Variants in RBFOX3 observed in about 807,000 individuals in gnomAD.
RBFOX3 encodes the protein RNA binding fox-1 homolog 3.
In RBFOX3, 17 loss-of-function variants were observed where a neutral mutation model predicts 48.7. The observed-to-expected ratio is 0.35, with a 90% CI of 0.24 to 0.52. The LOEUF (loss-of-function observed/expected upper bound fraction) is 0.52, where lower values mean the gene tolerates loss of function less well. Among genes scored for constraint, RBFOX3 ranks in the 20% least tolerant of loss-of-function variants. The pLI, the probability that RBFOX3 is intolerant of heterozygous loss-of-function variation, is 0.94. For missense variants in RBFOX3, 382 were observed against 497.5 expected, an observed-to-expected ratio of 0.77 and a Z score of 2.21; for synonymous variants, 212 against 209.5, an observed-to-expected ratio of 1.01 and a Z score of -0.10.
At chr17:79,521,583 A>T (rs1403619241) in intron 1 of RBFOX3, among the ~76,000 whole-genome samples, 2 of 151,128 alleles carry the variant, frequency 1.3e-5, no homozygotes, top group African/African-American at 4.9e-5. Flanking sequence ...CTCCACAGAC[A>T]TACACATTCA....
chr17:79,101,600 C>T lies in RBFOX3; in HGVS notation c.552G>A (p.Gly184=), dbSNP rs375171072. 1.3e-6 allele frequency: 2 copies of T among 1,551,210 alleles called. No individual in the cohort carries two copies. Among genetic ancestry groups the T allele is most frequent in the Non-Finnish European group, 8.7e-7 (1 of 1,146,886 alleles). ...TARVMTNKKT[G]NPYTNGWKLN... ...GCCCCTTACCGTTGGTGTAGGGGTT[C>T]CCCGTCTTCTTGTTGGTCATCACTC... Residue 184 remains glycine, a synonymous_variant, in exon 9 of 15, where the codon GGG becomes GGA. Coordinates refer to ENST00000693108, the MANE Select transcript of RBFOX3 (RefSeq NM_001350451.2).
At chr17:79,381,533 G>A (rs573680533) in intron 2 of RBFOX3, among the ~76,000 whole-genome samples, 1 of 152,328 alleles carries the variant, frequency 6.6e-6, no homozygotes, top group South Asian at 2.1e-4. Context: ...AGACGTGTTA[G>A]GGCCGGTCAG....
chr17:79,339,140 G>A (rs199887085), intron 2 of RBFOX3, among the ~76,000 whole-genome samples: 4 of 151,552 alleles, frequency 2.6e-5, no homozygotes, highest in East Asian at 3.9e-4. Flanking sequence ...CTGCCACCTC[G>A]ATCTTCCAGG....
At chr17:79,637,544 A>C in the RBFOX3 span, among the ~76,000 whole-genome samples, 1 of 151,564 alleles carries the variant, frequency 6.6e-6, no homozygotes, top group Non-Finnish European at 1.5e-5. Context: ...AAATACAAAA[A>C]ATTAGCCTGG....
At chr17:79,466,529 A>T (rs963345812) in intron 2 of RBFOX3, among the ~76,000 whole-genome samples, 131 of 152,246 alleles carry the variant, frequency 8.6e-4, no homozygotes, top group African/African-American at 3.0e-3. Flanking sequence ...TGGGAGGGTC[A>T]CCTGCAGCCC....
chr17:79,596,599 A>T (rs976193982), intron 1 of RBFOX3, among the ~76,000 whole-genome samples: 60 of 152,300 alleles, frequency 3.9e-4, no homozygotes, highest in African/African-American at 1.4e-3. Context: ...TCAGAATTCA[A>T]CAAATGTTGA....
intron 2 of RBFOX3, among the ~76,000 whole-genome samples, chr17:79,478,296 T>C (rs555587304): frequency 6.6e-6 from 1 of 152,300 alleles, no homozygotes; most frequent in East Asian, 1.9e-4. Context: ...CATGGGTGCG[T>C]CCCTGAGGGT....
intron 4 of RBFOX3, among the ~76,000 whole-genome samples, chr17:79,200,668 A>G (rs1245645112): frequency 1.3e-5 from 2 of 152,088 alleles, no homozygotes; most frequent in African/African-American, 4.8e-5. Flanking sequence ...ACGCCAGGAG[A>G]GCTCTGCTGG....
chr17:79,219,393 T>C (rs1005212584), intron 4 of RBFOX3, among the ~76,000 whole-genome samples: 2 of 152,198 alleles, frequency 1.3e-5, no homozygotes, highest in African/African-American at 4.8e-5. Context: ...TGTGTGCATG[T>C]GCGTGCGCGT....
intron 14 of RBFOX3, among the ~76,000 whole-genome samples, chr17:79,091,335 A>G (rs1351687189): frequency 6.6e-6 from 1 of 152,166 alleles, no homozygotes; most frequent in Admixed American, 6.5e-5. Context: ...GCCGTGGCAC[A>G]CTCAGAACCT....
intron 3 of RBFOX3, among the ~76,000 whole-genome samples, chr17:79,302,941 C>T (rs553328314): frequency 3.9e-5 from 6 of 152,326 alleles, no homozygotes; most frequent in South Asian, 4.1e-4. Context: ...TGGAAGCTTA[C>T]GCCTGTGATC....
intron 2 of RBFOX3, among the ~76,000 whole-genome samples, chr17:79,454,499 C>A (rs1274761355): frequency 6.6e-6 from 1 of 152,056 alleles, no homozygotes; most frequent in African/African-American, 2.4e-5. Flanking sequence ...GCCCACCAAG[C>A]CCTCCCAGCA....
the RBFOX3 span, among the ~76,000 whole-genome samples, chr17:79,642,642 T>C: frequency 6.6e-6 from 1 of 152,022 alleles, no homozygotes. Flanking sequence ...AAAGTCTAGA[T>C]AAAGTAAAAA....
At chr17:79,147,912 G>C (rs779124121) in intron 4 of RBFOX3, among the ~76,000 whole-genome samples, 1 of 152,214 alleles carries the variant, frequency 6.6e-6, no homozygotes, top group Non-Finnish European at 1.5e-5. Context: ...CCCTGAAAAG[G>C]AATTGACTGA....
chr17:79,413,040 T>G (rs1261517988), intron 2 of RBFOX3, among the ~76,000 whole-genome samples: 1 of 152,126 alleles, frequency 6.6e-6, no homozygotes, highest in Non-Finnish European at 1.5e-5. Context: ...CCATCTCTCC[T>G]AAGAAGGAAA....
chr17:79,487,589 A>AT lies in RBFOX3; in HGVS notation c.-319-4992dup, dbSNP rs571075827. Among the ~76,000 whole-genome samples the AT allele has an allele frequency of 2.7e-3, 406 of 152,262 alleles. 8 individuals carry two copies. In the South Asian group the frequency reaches 0.04, roughly 15 times the overall value. ...GTAGGCGCTCAGCAGTTTTGGTGAA[A>AT]TGAATGCTGCAAAGAAGGAAGTCAA... On this transcript the variant is annotated intron_variant, in intron 1 of 14. Coordinates refer to ENST00000693108, the MANE Select transcript of RBFOX3 (RefSeq NM_001350451.2).
the RBFOX3 span, among the ~76,000 whole-genome samples, chr17:79,638,756 C>A: frequency 6.6e-6 from 1 of 152,132 alleles, no homozygotes; most frequent in South Asian, 2.1e-4. Context: ...TTATAAAGAG[C>A]CTGGCACCTC....
At position 79,195,594 on chromosome 17, in the gene RBFOX3, A is replaced by T. The variant is rs1303952185; in HGVS notation, c.-34+40172T>A. Among the ~76,000 whole-genome samples the T allele has an allele frequency of 1.3e-5, 2 of 152,160 alleles. No individual in the cohort carries two copies. Among genetic ancestry groups the T allele is most frequent in the Non-Finnish European group, 1.5e-5 (1 of 68,032 alleles). ...TGGTTTCTGTCTGCTCTATCCTGAT[A>T]TCTGAGACTGGGGCCTCCTTATTTT... On this transcript the variant is annotated intron_variant, in intron 4 of 14. Transcript: ENST00000693108. The surrounding 1 kb of genome is among the most constrained non-coding windows in gnomAD (Gnocchi z 5.3).
rs539524583 is a variant in RBFOX3 at position 79,240,900 on chromosome 17, G to A, written c.-73-5095C>T. Among the ~76,000 whole-genome samples, 12 of 152,158 alleles carry A rather than the reference G, an allele frequency of 7.9e-5. No individual in the cohort carries two copies. The South Asian group carries it at 1.9e-3, about 24-fold the overall frequency. ...AGGATAGTCTTGATCTCCTGACCTC[G>A]TGATCCACCCACCTCGGCCTCCCAA... On this transcript the variant is annotated intron_variant, in intron 3 of 14. Coordinates refer to ENST00000693108, the MANE Select transcript of RBFOX3 (RefSeq NM_001350451.2).
Sources: allele counts gnomAD v4.1 joint callset (sites outside exome capture counted in the v4.1 genomes callset), GRCh38; gene constraint gnomAD v4.1.1; non-coding constraint Gnocchi (gnomAD v3.1); transcripts MANE v1.5; gene names NCBI Gene and HGNC (gene_info 2026-07-23, HGNC 2026-07-21).